The following PIK3CB variants were observed in gnomAD, a reference collection of about 807,000 sequenced individuals.
PIK3CB encodes phosphatidylinositol-4,5-bisphosphate 3-kinase catalytic subunit beta.
Under a neutral mutation model 136.8 loss-of-function variants are expected in PIK3CB, and 39 were observed. The ratio of observed to expected loss-of-function variants is 0.29; its 90% CI spans 0.22 to 0.37. The LOEUF (loss-of-function observed/expected upper bound fraction) is 0.37, where lower values mean the gene tolerates loss of function less well. Ranked by LOEUF, PIK3CB falls within the 10% of genes least tolerant of loss-of-function variation. The pLI is 1.00. For synonymous variants in PIK3CB, 428 were observed against 436.6 expected (o/e 0.98, Z 0.25); for missense variants, 868 against 1,275.4 (o/e 0.68, Z 4.87).
chr3:138,787,697 A>G (rs1389025609), intron 2 of PIK3CB, among the ~76,000 whole-genome samples: 1 of 151,910 alleles, frequency 6.6e-6, no homozygotes, highest in Non-Finnish European at 1.5e-5. Context: ...AAAATTTCCA[A>G]ACAGGAGGTT....
chr3:138,782,291 AAGG>A (rs1389982617), intron 2 of PIK3CB, among the ~76,000 whole-genome samples: 1 of 152,224 alleles, frequency 6.6e-6, no homozygotes, highest in African/African-American at 2.4e-5. Flanking sequence ...GTGTGATAAG[AAGG>A]AGAAGACAAT....
chr3:138,661,851 C>A (rs1421176636), intron 21 of PIK3CB, among the ~76,000 whole-genome samples: 2 of 152,088 alleles, frequency 1.3e-5, no homozygotes, highest in South Asian at 4.1e-4. Context: ...GGGGGCTAAA[C>A]TGAAAAATTA....
At chr3:138,776,613 C>G (rs1333544325) in intron 2 of PIK3CB, among the ~76,000 whole-genome samples, 1 of 152,102 alleles carries the variant, frequency 6.6e-6, no homozygotes, top group Non-Finnish European at 1.5e-5. Flanking sequence ...GGACGATCGC[C>G]TGAGCCTGGG....
chr3:138,813,584 A>AT (rs1933173383), intron 1 of PIK3CB, among the ~76,000 whole-genome samples: 1 of 151,502 alleles, frequency 6.6e-6, no homozygotes, highest in East Asian at 1.9e-4. Context: ...CACCCACCTA[A>AT]TTTTTTGTAT....
chr3:138,701,553 G>T lies in PIK3CB; in HGVS notation c.1582-2458C>A, dbSNP rs187947494. 3.9e-3 allele frequency among the ~76,000 whole-genome samples: 590 copies of T among 152,186 alleles called. 3 individuals carry two copies. Among genetic ancestry groups the T allele is most frequent in the Admixed American group, 0.015 (233 of 15,290 alleles). On this transcript the variant is annotated intron_variant, in intron 12 of 23. Coordinates refer to ENST00000674063, the MANE Select transcript of PIK3CB (RefSeq NM_006219.3). ...TGTAATCCCAGCACTTTGGGAGGCC[G>T]AGACGGGCAGATCACGGGGTCAAGA...
At chr3:138,744,906 T>G (rs2045322390) in intron 4 of PIK3CB, among the ~76,000 whole-genome samples, 2 of 152,228 alleles carry the variant, frequency 1.3e-5, no homozygotes. Flanking sequence ...CTTGGATTTC[T>G]CCACGATCTG....
chr3:138,790,842 A>G (rs967392173), intron 2 of PIK3CB, among the ~76,000 whole-genome samples: 32 of 146,376 alleles, frequency 2.2e-4, no homozygotes, highest in Non-Finnish European at 3.4e-4. Flanking sequence ...AAAAACCCTG[A>G]GTCCCAGCTA....
rs1432103859 is a variant in PIK3CB at position 138,786,765 on chromosome 3, G to A, written c.-17+9698C>T. Reference sequence around the variant, plus strand: ...TTAATAACATGTGACTATTTAACATGGTTTAAAAAACAGTATTGAGACCAA... The same window carrying A: ...TTAATAACATGTGACTATTTAACATAGTTTAAAAAACAGTATTGAGACCAA... On this transcript the variant is annotated intron_variant, in intron 2 of 23. Transcript: ENST00000674063. 3.9e-5 allele frequency among the ~76,000 whole-genome samples: 6 copies of A among 152,042 alleles called. No individual in the cohort carries two copies. The South Asian group carries it at 1.2e-3, about 32-fold the overall frequency.
At chr3:138,756,846 A>T (rs1239193663) in intron 3 of PIK3CB, among the ~76,000 whole-genome samples, 1 of 152,152 alleles carries the variant, frequency 6.6e-6, no homozygotes, top group Non-Finnish European at 1.5e-5. Flanking sequence ...CTTCACCAAA[A>T]CTTAAAACTT....
At chr3:138,678,219 TTG>T (rs2043689803) in intron 19 of PIK3CB, among the ~76,000 whole-genome samples, 1 of 151,980 alleles carries the variant, frequency 6.6e-6, no homozygotes, top group Non-Finnish European at 1.5e-5. Context: ...ACCCAGGAGT[TTG>T]TGACTGTAGT....
intron 4 of PIK3CB, among the ~76,000 whole-genome samples, chr3:138,745,307 C>T (rs767989888): frequency 6.6e-6 from 1 of 152,038 alleles, no homozygotes; most frequent in African/African-American, 2.4e-5. Flanking sequence ...GGGCATCATC[C>T]AATATCAAAA....
chr3:138,801,311 A>G (rs1387386798), intron 1 of PIK3CB, among the ~76,000 whole-genome samples: 1 of 152,200 alleles, frequency 6.6e-6, no homozygotes, highest in Admixed American at 6.6e-5. Context: ...CAAATATCAG[A>G]GCCTCCCCAT....
rs1411129320 is a variant in PIK3CB at position 138,742,127 on chromosome 3, T to TCC, written c.621+430_621+431insGG. ...TCACATGAGAAAAAAATATTTCCAA[T>TCC]AAGGAACACTATCTAGACCAGCAAC... is the stretch of plus-strand genomic sequence containing the variant. On this transcript the variant is annotated intron_variant, in intron 5 of 23. Transcript: ENST00000674063. Among the ~76,000 whole-genome samples, 7 of 152,298 alleles carry TCC rather than the reference T, an allele frequency of 4.6e-5. No homozygotes were observed. In the Middle Eastern group the frequency reaches 0.01, roughly 222 times the overall value.
intron 19 of PIK3CB, among the ~76,000 whole-genome samples, chr3:138,666,427 G>A (rs1251552619): frequency 6.6e-6 from 1 of 152,044 alleles, no homozygotes; most frequent in African/African-American, 2.4e-5. Context: ...TACTGCCTTG[G>A]CCTCCTAAAG....
chr3:138,826,459 C>T lies in PIK3CB; in HGVS notation c.-122+8236G>A, dbSNP rs1280051988. On this transcript the variant is annotated intron_variant, in intron 1 of 23. Transcript: ENST00000674063. ...GTTAATGATAACAATGCACTGTAAACCCCTCAGAAGAAAAGGAGAATGTGT... is the reference window on the plus strand; with the variant it reads ...GTTAATGATAACAATGCACTGTAAATCCCTCAGAAGAAAAGGAGAATGTGT... The T allele has an allele frequency of 4.4e-6, 3 of 675,530 alleles. No homozygotes were observed. In the African/African-American group the frequency reaches 5.5e-5, roughly 12 times the overall value. The allele number at this position is 675,530 out of a possible 1,614,324, so 41.8% of individuals were successfully genotyped here. A position where few individuals can be genotyped will look rare whatever the true frequency, so the allele number is the denominator to read the frequency against.
At chr3:138,801,255 C>T (rs1328666225) in intron 1 of PIK3CB, among the ~76,000 whole-genome samples, 1 of 151,962 alleles carries the variant, frequency 6.6e-6, no homozygotes, top group East Asian at 1.9e-4. Flanking sequence ...TTTTAAATAA[C>T]GATAATCTAC....
intron 19 of PIK3CB, among the ~76,000 whole-genome samples, chr3:138,681,041 G>GTTTTTTT (rs533702208): frequency 2.4e-5 from 3 of 127,326 alleles, no homozygotes; most frequent in Admixed American, 8.2e-5. Flanking sequence ...TTTCATGTTA[G>GTTTTTTT]TTTTTTTTTT....
intron 3 of PIK3CB, 33 bp downstream of exon 3, chr3:138,759,140 C>T (rs2045625607): frequency 7.1e-7 from 1 of 1,407,150 alleles, no homozygotes; most frequent in African/African-American, 1.4e-5. Context: ...ACACAGTATG[C>T]TAAACACATA....
chr3:138,830,180 T>C (rs944880982), intron 1 of PIK3CB, among the ~76,000 whole-genome samples: 3 of 151,960 alleles, frequency 2.0e-5, no homozygotes, highest in South Asian at 2.1e-4. Flanking sequence ...TCCTAGAAGG[T>C]TCCTTTACAT....
Sources: allele counts gnomAD v4.1 joint callset (sites outside exome capture counted in the v4.1 genomes callset), GRCh38; gene constraint gnomAD v4.1.1; transcripts MANE v1.5; gene names NCBI Gene and HGNC (gene_info 2026-07-23, HGNC 2026-07-21).